Variants in ANKRD12 observed in about 807,000 individuals in gnomAD.
The protein encoded by ANKRD12 is ankyrin repeat domain 12.
ANKRD12 carries 85 observed loss-of-function variants against 183.4 expected under a neutral mutation model. The observed-to-expected ratio is 0.46, with a 90% CI of 0.39 to 0.56. ANKRD12 has a LOEUF of 0.56. ANKRD12 is among the 20% of genes least tolerant of loss of function. The probability of loss-of-function intolerance (pLI) is 0.00; values close to 1 mark genes in which losing one functional copy is unlikely to be tolerated. For synonymous variants in ANKRD12, 914 were observed against 800.2 expected, an observed-to-expected ratio of 1.14 and a Z score of -2.40; for missense variants, 2,405 against 2,357.1, an observed-to-expected ratio of 1.02 and a Z score of -0.42.
At chr18:9,276,509 T>G (rs371339822) in intron 11 of ANKRD12, among the ~76,000 whole-genome samples, 25 of 151,462 alleles carry the variant, frequency 1.7e-4, no homozygotes, top group African/African-American at 5.3e-4. Flanking sequence ...AGCTCAGGAG[T>G]TCAAGACCAG....
At chr18:9,156,903 T>G (rs759672539) in intron 1 of ANKRD12, among the ~76,000 whole-genome samples, 1 of 152,198 alleles carries the variant, frequency 6.6e-6, no homozygotes, top group African/African-American at 2.4e-5. Context: ...AAATATCATA[T>G]GATTGCACTT....
At chr18:9,253,946 A>G (rs1009829520) in intron 8 of ANKRD12, among the ~76,000 whole-genome samples, 10 of 152,184 alleles carry the variant, frequency 6.6e-5, no homozygotes, top group African/African-American at 2.4e-4. Flanking sequence ...TTTATACTAT[A>G]TATTGTGATT....
chr18:9,188,633 A>C (rs2034258289), intron 2 of ANKRD12, among the ~76,000 whole-genome samples: 2 of 152,214 alleles, frequency 1.3e-5, no homozygotes, highest in South Asian at 4.1e-4. Context: ...GGTTAGTGGC[A>C]ACCCTGTGTT....
In ANKRD12 at chr18:9,252,498, A is replaced by G. The variant is rs543063854; in HGVS notation, c.944-1713A>G. Among the ~76,000 whole-genome samples, 7 of 152,308 alleles carry G rather than the reference A, an allele frequency of 4.6e-5. No individual in the cohort carries two copies. The East Asian group carries it at 1.4e-3, about 29-fold the overall frequency. On this transcript the variant is annotated intron_variant, in intron 8 of 12. Coordinates refer to ENST00000262126, the MANE Select transcript of ANKRD12 (RefSeq NM_015208.5). ...ATGGACATTAGTGTCAGGATAACTTATTTATGTTAGAATTTACATTCTTTC... is the reference window on the plus strand; with the variant it reads ...ATGGACATTAGTGTCAGGATAACTTGTTTATGTTAGAATTTACATTCTTTC...
At chr18:9,250,998 T>C (rs2038262226) in intron 8 of ANKRD12, among the ~76,000 whole-genome samples, 3 of 152,196 alleles carry the variant, frequency 2.0e-5, no homozygotes, top group Non-Finnish European at 2.9e-5. Flanking sequence ...TTTTGTTTCT[T>C]TTTTAGTTAT....
At chr18:9,241,128 T>C (rs1295370224) in intron 8 of ANKRD12, among the ~76,000 whole-genome samples, 6 of 152,124 alleles carry the variant, frequency 3.9e-5, no homozygotes, top group Non-Finnish European at 8.8e-5. Flanking sequence ...GGGAGAAGCA[T>C]TAGCTTAGGA....
chr18:9,206,167 A>G (rs972486489), intron 4 of ANKRD12, among the ~76,000 whole-genome samples: 7 of 152,060 alleles, frequency 4.6e-5, no homozygotes, highest in Admixed American at 1.3e-4. Flanking sequence ...TTCTTAAAAA[A>G]TCCCTAGGCT....
intron 8 of ANKRD12, among the ~76,000 whole-genome samples, chr18:9,251,237 A>G (rs1470299841): frequency 6.6e-6 from 1 of 152,080 alleles, no homozygotes; most frequent in African/African-American, 2.4e-5. Context: ...TCCACTATAT[A>G]CTGTTATCTC....
At chr18:9,240,703 T>A (rs1598658773) in intron 8 of ANKRD12, among the ~76,000 whole-genome samples, 1 of 152,288 alleles carries the variant, frequency 6.6e-6, no homozygotes, top group South Asian at 2.1e-4. Flanking sequence ...TAAATGCTCC[T>A]CACTTGCATA....
At chr18:9,232,593 C>T (rs772709600) in intron 8 of ANKRD12, among the ~76,000 whole-genome samples, 2 of 152,124 alleles carry the variant, frequency 1.3e-5, no homozygotes, top group East Asian at 3.8e-4. Flanking sequence ...CTATAATGTG[C>T]TGTGGAAACC....
intron 7 of ANKRD12, 78 bp downstream of exon 7, chr18:9,216,978 T>C: frequency 7.4e-7 from 1 of 1,357,746 alleles, no homozygotes; most frequent in East Asian, 2.4e-5. Flanking sequence ...ATTCACTTCT[T>C]AGTCATATGA....
rs1472659778 is a variant in ANKRD12, at chr18:9,157,585, G to GTGTGTGTATATA, written c.-52+20621_-52+20622insGTGTGTATATAT. On this transcript the variant is annotated intron_variant, in intron 1 of 12. Coordinates refer to ENST00000262126, the MANE Select transcript of ANKRD12 (RefSeq NM_015208.5). ...TGTGTGTGTGTGTGTGTGTGTGTGT[G>GTGTGTGTATATA]TATATATATATATATGTATTTTTTT... Among the ~76,000 whole-genome samples the GTGTGTGTATATA allele has an allele frequency of 1.6e-3, 147 of 92,652 alleles. 3 individuals carry two copies. The highest frequency in any genetic ancestry group is 4.5e-3 in the African/African-American group (86 of 19,036). 60.8% of individuals were successfully genotyped at this position (92,652 alleles called of 152,430 possible). A position where few individuals can be genotyped will look rare whatever the true frequency, so the allele number is the denominator to read the frequency against.
chr18:9,273,398 A>T (rs146429090), intron 10 of ANKRD12, among the ~76,000 whole-genome samples: 8 of 152,318 alleles, frequency 5.3e-5, no homozygotes, highest in African/African-American at 1.9e-4. Context: ...GTTTATTTCT[A>T]TAAAAATATT....
chr18:9,152,837 T>C (rs1483575902), intron 1 of ANKRD12, among the ~76,000 whole-genome samples: 2 of 152,148 alleles, frequency 1.3e-5, no homozygotes, highest in Admixed American at 6.5e-5. Flanking sequence ...TCCTGTGGGC[T>C]TTTTCCCTCT....
chr18:9,259,059 G>A lies in ANKRD12; in HGVS notation c.5664+128G>A, dbSNP rs908070906. 4.6e-6 allele frequency: 5 copies of A among 1,095,354 alleles called. No homozygotes were observed. The East Asian group carries it at 1.0e-4, about 22-fold the overall frequency. The allele number at this position is 1,095,354 out of a possible 1,614,324, so 67.9% of individuals were successfully genotyped here. A position where few individuals can be genotyped will look rare whatever the true frequency, so the allele number is the denominator to read the frequency against. Reference sequence around the variant, plus strand: ...CAGCAAAATAATCTGTCAGTGAGTCGAGATATAAAGCTAGTAACGTTCTTG... The same window carrying A: ...CAGCAAAATAATCTGTCAGTGAGTCAAGATATAAAGCTAGTAACGTTCTTG... On this transcript the variant is annotated intron_variant, in intron 9 of 12. Coordinates refer to ENST00000262126, the MANE Select transcript of ANKRD12 (RefSeq NM_015208.5).
intron 3 of ANKRD12, among the ~76,000 whole-genome samples, chr18:9,201,406 T>C (rs151338746): frequency 1.2e-3 from 184 of 152,334 alleles, no homozygotes; most frequent in Non-Finnish European, 1.9e-3. Flanking sequence ...GAGAGTCTCT[T>C]CTTGGCCCTC....
At chr18:9,181,184 T>G (rs1319527863) in intron 1 of ANKRD12, among the ~76,000 whole-genome samples, 2 of 152,232 alleles carry the variant, frequency 1.3e-5, no homozygotes, top group African/African-American at 2.4e-5. Flanking sequence ...ACCATTTTTC[T>G]TTGGTAGTTT....
At chr18:9,235,567 G>A (rs2037297578) in intron 8 of ANKRD12, 8 of 453,638 alleles carry the variant, frequency 1.8e-5, no homozygotes, top group Middle Eastern at 3.3e-4. Flanking sequence ...TTGCACACCT[G>A]ATGAAAGAAT....
intron 8 of ANKRD12, among the ~76,000 whole-genome samples, chr18:9,253,710 A>G (rs1373163767): frequency 2.0e-5 from 3 of 152,196 alleles, no homozygotes; most frequent in African/African-American, 7.2e-5. Context: ...CTTTTATCCA[A>G]AAGATAGGCA....
Sources: allele counts gnomAD v4.1 joint callset (sites outside exome capture counted in the v4.1 genomes callset), GRCh38; gene constraint gnomAD v4.1.1; transcripts MANE v1.5; gene names NCBI Gene and HGNC (gene_info 2026-07-23, HGNC 2026-07-21).